Variants in NTRK3 observed in about 807,000 individuals in gnomAD.
NTRK3 encodes the protein neurotrophic receptor tyrosine kinase 3, also known as NT-3 growth factor receptor.
In NTRK3, 24 loss-of-function variants were observed where a neutral mutation model predicts 91.7. That is an observed-to-expected ratio of 0.26 (90% CI 0.19 to 0.37). The LOEUF is 0.37. Ranked by LOEUF, NTRK3 falls within the 10% of genes least tolerant of loss-of-function variation. The probability of loss-of-function intolerance (pLI) is 1.00; values close to 1 mark genes in which losing one functional copy is unlikely to be tolerated. For missense variants in NTRK3, 880 were observed against 1,068.9 expected (o/e 0.82, Z 2.46); for synonymous variants, 483 against 404.0 (o/e 1.20, Z -2.34).
intron 13 of NTRK3, among the ~76,000 whole-genome samples, chr15:88,048,052 A>T (rs545192834): frequency 1.8e-4 from 28 of 152,322 alleles, no homozygotes; most frequent in African/African-American, 6.5e-4. Flanking sequence ...GAATATCCAT[A>T]TAGGACATTG....
chr15:88,169,988 G>A (rs541777176), intron 5 of NTRK3, among the ~76,000 whole-genome samples: 20 of 152,210 alleles, frequency 1.3e-4, no homozygotes, highest in Non-Finnish European at 2.5e-4. Flanking sequence ...ATCTCTACAC[G>A]CTGTCTCCCT....
chr15:88,043,140 C>A (rs2079820125), intron 13 of NTRK3, among the ~76,000 whole-genome samples: 1 of 152,190 alleles, frequency 6.6e-6, no homozygotes, highest in East Asian at 1.9e-4. Context: ...GAATGGCCGG[C>A]AGCAAGGGGT....
Position 88,241,485 on chromosome 15 carries a change from G to T in NTRK3, c.248+14421C>A, listed in dbSNP as rs924777161. Among the ~76,000 whole-genome samples the T allele has an allele frequency of 1.3e-5, 2 of 152,104 alleles. No homozygotes were observed. The highest frequency in any genetic ancestry group is 2.9e-5 in the Non-Finnish European group (2 of 68,002). On this transcript the variant is annotated intron_variant, in intron 3 of 18. Transcript: ENST00000394480. The surrounding 1 kb of genome is among the most constrained non-coding windows in gnomAD (Gnocchi z 4.3). Reference sequence around the variant, plus strand: ...CTAGATGCAAATCAGGGAGTCATGAGGTCACTCTCCTGCCACTTCTGCTTC... The same window carrying T: ...CTAGATGCAAATCAGGGAGTCATGATGTCACTCTCCTGCCACTTCTGCTTC...
intron 13 of NTRK3, among the ~76,000 whole-genome samples, chr15:88,090,744 G>T (rs2048940315): frequency 6.6e-6 from 1 of 151,862 alleles, no homozygotes; most frequent in South Asian, 2.1e-4. Flanking sequence ...CACAACCCCT[G>T]ACCCACTCTT....
At chr15:88,047,906 C>T (rs1036749470) in intron 13 of NTRK3, among the ~76,000 whole-genome samples, 2 of 152,156 alleles carry the variant, frequency 1.3e-5, no homozygotes, top group Non-Finnish European at 2.9e-5. Context: ...GTAGAATCAA[C>T]TGCTGTTTTG....
At chr15:88,134,464 G>T (rs1351232077) in intron 10 of NTRK3, among the ~76,000 whole-genome samples, 1 of 152,180 alleles carries the variant, frequency 6.6e-6, no homozygotes, top group Non-Finnish European at 1.5e-5. Flanking sequence ...AGGGCATCAG[G>T]TATGACCCAC....
chr15:88,008,388 C>T (rs748339112), intron 14 of NTRK3, among the ~76,000 whole-genome samples: 7 of 152,084 alleles, frequency 4.6e-5, no homozygotes, highest in Non-Finnish European at 1.0e-4. Flanking sequence ...AGAGTAGATG[C>T]AAGTGCCAAA....
intron 17 of NTRK3, among the ~76,000 whole-genome samples, chr15:87,907,681 T>C (rs937690042): frequency 1.1e-4 from 16 of 152,144 alleles, no homozygotes; most frequent in African/African-American, 3.9e-4. Flanking sequence ...GATGGATCTT[T>C]AAGGCTGAGT....
chr15:88,033,176 T>TATATATATA lies in NTRK3; in HGVS notation c.1397-132_1397-131insTATATATAT, dbSNP rs1491166187. 1.4e-4 allele frequency: 27 copies of TATATATATA among 192,386 alleles called. No homozygotes were observed. In the African/African-American group the frequency reaches 1.5e-3, roughly 11 times the overall value. The allele number at this position is 192,386 out of a possible 1,614,324, so 11.9% of individuals were successfully genotyped here. A position where few individuals can be genotyped will look rare whatever the true frequency, so the allele number is the denominator to read the frequency against. On this transcript the variant is annotated intron_variant, in intron 13 of 18. Coordinates refer to ENST00000394480, the Ensembl canonical transcript of NTRK3. ...CTTTTTTTTACTTTTGGGGGGTGTGTTATATATATATATATATATATATAT... is the reference window on the plus strand; with the variant it reads ...CTTTTTTTTACTTTTGGGGGGTGTGTATATATATATATATATATATATATATATATATAT...
intron 13 of NTRK3, among the ~76,000 whole-genome samples, chr15:88,067,767 T>G (rs778105599): frequency 1.8e-4 from 27 of 152,234 alleles, no homozygotes; most frequent in Admixed American, 3.9e-4. Context: ...ATTTGAGCTC[T>G]CAGTCTCAAT....
intron 13 of NTRK3, among the ~76,000 whole-genome samples, chr15:88,041,133 C>T (rs1286936425): frequency 1.3e-5 from 2 of 152,170 alleles, no homozygotes; most frequent in Non-Finnish European, 2.9e-5. Flanking sequence ...TATGCCAGCT[C>T]CCCTGTGATT....
chr15:87,867,634 C>G (rs1280916623), exon 19 of NTRK3: 1 of 229,566 alleles, frequency 4.4e-6, no homozygotes, highest in Non-Finnish European at 8.6e-6. Context: ...AAGTGACAAT[C>G]TAGCAGGCTT....
intron 5 of NTRK3, among the ~76,000 whole-genome samples, 190 bp downstream of exon 5, chr15:88,183,228 A>T (rs919021333): frequency 1.3e-5 from 2 of 152,130 alleles, no homozygotes; most frequent in Non-Finnish European, 2.9e-5. Context: ...TCCTTCTGAC[A>T]GGAAACTTAG....
rs78097707 is a variant in NTRK3, at chr15:88,141,263, C to T, written c.465-3702G>A. Among the ~76,000 whole-genome samples, 1,170 of 152,262 alleles carry T rather than the reference C, an allele frequency of 7.7e-3. 16 individuals carry two copies. The highest frequency in any genetic ancestry group is 9.5e-3 in the Non-Finnish European group (645 of 68,032). On this transcript the variant is annotated intron_variant, in intron 6 of 18. Coordinates refer to ENST00000394480, the Ensembl canonical transcript of NTRK3. Reference sequence around the variant, plus strand: ...GGTAGACAGGAAAAAATGAGACGAACATAATAGACATTATAGGATCATAAT... The same window carrying T: ...GGTAGACAGGAAAAAATGAGACGAATATAATAGACATTATAGGATCATAAT...
chr15:87,957,614 T>C (rs1002402596), intron 14 of NTRK3, among the ~76,000 whole-genome samples: 11 of 141,716 alleles, frequency 7.8e-5, no homozygotes, highest in African/African-American at 2.8e-4. Context: ...GGCTACACTA[T>C]AATTACGTTA....
At chr15:88,119,412 A>C (rs2052459398) in intron 13 of NTRK3, among the ~76,000 whole-genome samples, 1 of 152,176 alleles carries the variant, frequency 6.6e-6, no homozygotes, top group South Asian at 2.1e-4. Context: ...TAACCTCTTT[A>C]ATTTAGAATT....
intron 15 of NTRK3, among the ~76,000 whole-genome samples, chr15:87,939,117 C>T (rs896120758): frequency 3.3e-5 from 5 of 152,080 alleles, no homozygotes; most frequent in Admixed American, 6.6e-5. Flanking sequence ...AAAATATTTA[C>T]CTTTAGAGAA....
intron 14 of NTRK3, among the ~76,000 whole-genome samples, chr15:88,010,748 C>CCACACACACACACACACCCA (rs2076821420): frequency 6.7e-6 from 1 of 149,074 alleles, no homozygotes; most frequent in Non-Finnish European, 1.5e-5. Flanking sequence ...ACACACACAC[C>CCACACACACACACACACCCA]CACACACACA....
intron 13 of NTRK3, among the ~76,000 whole-genome samples, chr15:88,125,650 G>A (rs2053208646): frequency 6.6e-6 from 1 of 152,152 alleles, no homozygotes; most frequent in African/African-American, 2.4e-5. Context: ...TTTCATGCCA[G>A]TCCCCTTACC....
Sources: allele counts gnomAD v4.1 joint callset (sites outside exome capture counted in the v4.1 genomes callset), GRCh38; gene constraint gnomAD v4.1.1; non-coding constraint Gnocchi (gnomAD v3.1); transcripts MANE v1.5; gene names NCBI Gene and HGNC (gene_info 2026-07-23, HGNC 2026-07-21).